The following NT5DC3 variants were observed in gnomAD, a reference collection of about 807,000 sequenced individuals.
The protein encoded by NT5DC3 is 5'-nucleotidase domain-containing protein 3.
A neutral mutation model predicts 67.8 loss-of-function variants in NT5DC3; 42 were observed. That is an observed-to-expected ratio of 0.62 (90% confidence interval 0.48 to 0.80). NT5DC3 has a LOEUF of 0.80. Among genes scored for constraint, NT5DC3 ranks in the 30% least tolerant of loss-of-function variants. The pLI is 0.00. For missense variants in NT5DC3, 570 were observed against 696.4 expected, an observed-to-expected ratio of 0.82 and a Z score of 2.04; for synonymous variants, 237 against 255.6, an observed-to-expected ratio of 0.93 and a Z score of 0.69.
At chr12:103,830,443 A>G (rs1034632104) in intron 1 of NT5DC3, among the ~76,000 whole-genome samples, 1 of 152,106 alleles carries the variant, frequency 6.6e-6, no homozygotes, top group African/African-American at 2.4e-5. Context: ...AACTCTGAGC[A>G]ATTTTTTCTT....
intron 2 of NT5DC3, among the ~76,000 whole-genome samples, chr12:103,813,961 C>T (rs1455432991): frequency 6.6e-6 from 1 of 152,230 alleles, no homozygotes; most frequent in African/African-American, 2.4e-5. Context: ...CAAGATTTGG[C>T]TGAAATATCA....
the NT5DC3 span, among the ~76,000 whole-genome samples, chr12:103,748,565 A>G: frequency 6.7e-6 from 1 of 150,180 alleles, no homozygotes; most frequent in African/African-American, 2.5e-5. Flanking sequence ...AGGGTGCTCA[A>G]TATTGTACTA....
chr12:103,794,153 T>TC (rs1296781551), intron 6 of NT5DC3, among the ~76,000 whole-genome samples, 156 bp from the exon 7 acceptor site: 2 of 123,808 alleles, frequency 1.6e-5, no homozygotes, highest in Non-Finnish European at 3.4e-5. Context: ...TTCTTCTTCT[T>TC]TTTTTTTTTT....
At chr12:103,840,845 T>G in intron 1 of NT5DC3, 104 bp downstream of exon 1, 2 of 500,308 alleles carry the variant, frequency 4.0e-6, no homozygotes, top group Non-Finnish European at 3.1e-6. Context: ...CTGGAGGCCC[T>G]GGAGGTCCGC....
downstream of NT5DC3, among the ~76,000 whole-genome samples, chr12:103,768,522 T>G (rs1593370612): frequency 4.1e-4 from 6 of 14,708 alleles, no homozygotes; most frequent in Non-Finnish European, 5.5e-4. Context: ...GATGGAGAGA[T>G]GGGAGAGAGA....
chr12:103,810,653 A>C (rs776560933), intron 2 of NT5DC3, among the ~76,000 whole-genome samples: 8 of 152,200 alleles, frequency 5.3e-5, no homozygotes, highest in Non-Finnish European at 1.0e-4. Flanking sequence ...AAATCTGGGC[A>C]AATTCCTGTG....
the NT5DC3 span, chr12:103,748,854 C>A: frequency 8.7e-7 from 1 of 1,147,676 alleles, no homozygotes. Flanking sequence ...CACGCAGGGG[C>A]CCATTTACTC....
the NT5DC3 span, chr12:103,755,842 C>G: frequency 3.5e-6 from 3 of 859,416 alleles, no homozygotes; most frequent in Non-Finnish European, 5.5e-6. Flanking sequence ...GCTGGACCAC[C>G]TTGCCTGAAT....
At chr12:103,807,768 G>A (rs1319669892) in intron 2 of NT5DC3, among the ~76,000 whole-genome samples, 1 of 152,172 alleles carries the variant, frequency 6.6e-6, no homozygotes, top group Non-Finnish European at 1.5e-5. Flanking sequence ...GGAGACAACT[G>A]AATGATGGGG....
intron 2 of NT5DC3, among the ~76,000 whole-genome samples, chr12:103,809,093 T>A (rs1357288382): frequency 6.6e-6 from 1 of 152,220 alleles, no homozygotes; most frequent in African/African-American, 2.4e-5. Flanking sequence ...AGTCCACCCC[T>A]AACCACCACA....
chr12:103,746,829 C>A, the NT5DC3 span: 2 of 809,142 alleles, frequency 2.5e-6, no homozygotes, highest in Non-Finnish European at 4.2e-6. Flanking sequence ...AGCACCTACC[C>A]TCTCTATGAC....
At chr12:103,812,021 A>G (rs1403314812) in intron 2 of NT5DC3, among the ~76,000 whole-genome samples, 1 of 152,146 alleles carries the variant, frequency 6.6e-6, no homozygotes, top group East Asian at 1.9e-4. Context: ...GATGAAATCA[A>G]GAGCTCTCTA....
Position 103,776,817 on chromosome 12 carries a change from G to C in NT5DC3, c.*1012C>G, listed in dbSNP as rs1334612912. 1 of 152,202 alleles carries C rather than the reference G, an allele frequency of 6.6e-6. No individual in the cohort carries two copies. Among genetic ancestry groups the C allele is most frequent in the Non-Finnish European group, 1.5e-5 (1 of 68,058 alleles). The allele number at this position is 152,202 out of a possible 1,614,324, so 9.4% of individuals were successfully genotyped here. The stretch of plus-strand genomic sequence containing the variant: ...GGCCAATCCAAGCACCTCTCAGTTG[G>C]TAACTCATTAGAGAGAAGCCAGGAT... On this transcript the variant is annotated 3_prime_UTR_variant, in exon 14 of 14. Transcript: ENST00000392876.
Position 103,798,507 on chromosome 12 carries a change from T to C in NT5DC3, c.615+80A>G, listed in dbSNP as rs1593403229. On this transcript the variant is annotated intron_variant, in intron 5 of 13. Transcript: ENST00000392876. ...CTCAAATTTCCCTGTCAATTCCATA[T>C]AAGCAGTAGGTAAGTTCGACAAGGC... The C allele has an allele frequency of 1.2e-5, 11 of 922,196 alleles. No individual in the cohort carries two copies. The South Asian group carries it at 1.3e-4, about 11-fold the overall frequency. The allele number at this position is 922,196 out of a possible 1,614,324, so 57.1% of individuals were successfully genotyped here. A position where few individuals can be genotyped will look rare whatever the true frequency, so the allele number is the denominator to read the frequency against.
At chr12:103,788,964 C>T (rs1566103049) in intron 9 of NT5DC3, 45 bp from the exon 10 acceptor site, 1 of 1,233,108 alleles carries the variant, frequency 8.1e-7, no homozygotes, top group Admixed American at 1.7e-5. Context: ...GTAGTACAGG[C>T]TGTCTGCTCT....
intron 4 of NT5DC3, among the ~76,000 whole-genome samples, chr12:103,799,302 C>T (rs1283714448): frequency 1.3e-5 from 2 of 152,186 alleles, no homozygotes; most frequent in Non-Finnish European, 2.9e-5. Context: ...TAAATCTCAT[C>T]TTGAATTGTA....
At position 103,815,597 on chromosome 12, in the gene NT5DC3, A is replaced by ATTTTTGTAG. The variant is rs370191353; in HGVS notation, c.209-485_209-477dup. On this transcript the variant is annotated intron_variant, in intron 1 of 13. Coordinates refer to ENST00000392876, the MANE Select transcript of NT5DC3 (RefSeq NM_001031701.3). ...CCATCACACCCTACTAATTTTTGTA[A>ATTTTTGTAG]TTTTTGTAGAGACAGGGTCTCCCTG... Among the ~76,000 whole-genome samples, 356 of 152,010 alleles carry ATTTTTGTAG rather than the reference A, an allele frequency of 2.3e-3. 1 individual carries two copies. The highest frequency in any genetic ancestry group is 8.1e-3 in the African/African-American group (334 of 41,440).
intron 9 of NT5DC3, among the ~76,000 whole-genome samples, chr12:103,790,849 C>G (rs757889429): frequency 7.9e-5 from 12 of 151,670 alleles, no homozygotes; most frequent in Non-Finnish European, 1.8e-4. Flanking sequence ...ACCACCATGC[C>G]GGGCTAATTT....
chr12:103,778,846 C>T (rs964080519), intron 13 of NT5DC3, among the ~76,000 whole-genome samples: 2 of 150,694 alleles, frequency 1.3e-5, no homozygotes, highest in African/African-American at 4.9e-5. Flanking sequence ...CCTGCCTATC[C>T]ATCCATCAAA....
Sources: gnomAD v4.1 joint callset for allele counts (sites outside exome capture counted in the v4.1 genomes callset) on GRCh38, gnomAD v4.1.1 for gene constraint, MANE v1.5 for transcripts, NCBI Gene and HGNC (gene_info 2026-07-23, HGNC 2026-07-21) for gene names.